Variants in EEA1 observed in about 807,000 individuals in gnomAD.
EEA1 encodes the protein early endosome antigen 1, 162kD.
In EEA1, 111 loss-of-function variants were observed where a neutral mutation model predicts 209.2. The ratio of observed to expected loss-of-function variants is 0.53; its 90% CI spans 0.45 to 0.62. The LOEUF (loss-of-function observed/expected upper bound fraction) is 0.62, where lower values mean the gene tolerates loss of function less well. Among genes scored for constraint, EEA1 ranks in the 20% least tolerant of loss-of-function variants. The pLI is 0.00. For synonymous variants in EEA1, 536 were observed against 540.6 expected (o/e 0.99, Z 0.12); for missense variants, 1,343 against 1,530.8 (o/e 0.88, Z 2.05).
chr12:92,847,410 T>A (rs1877431400), intron 9 of EEA1, among the ~76,000 whole-genome samples: 1 of 152,132 alleles, frequency 6.6e-6, no homozygotes, highest in African/African-American at 2.4e-5. Flanking sequence ...TAACTAGAAT[T>A]GAATTTTAAT....
intron 26 of EEA1, 125 bp downstream of exon 26, chr12:92,777,816 A>T (rs978755776): frequency 1.6e-6 from 2 of 1,228,292 alleles, no homozygotes; most frequent in African/African-American, 3.1e-5. Flanking sequence ...TTAAATGGCT[A>T]CTTAAATACC....
At chr12:92,928,910 G>A (rs1231520818) in intron 1 of EEA1, 133 bp downstream of exon 1, 1 of 884,326 alleles carries the variant, frequency 1.1e-6, no homozygotes, top group African/African-American at 1.8e-5. Flanking sequence ...GGGCGACCGA[G>A]GCCTAAGCGC....
At chr12:92,860,447 ATAC>A (rs1402811038) in intron 3 of EEA1, among the ~76,000 whole-genome samples, 1 of 152,192 alleles carries the variant, frequency 6.6e-6, no homozygotes, top group African/African-American at 2.4e-5. Context: ...AAATCCCTTC[ATAC>A]TTGAACATTT....
chr12:92,897,548 T>C (rs1394549441), intron 1 of EEA1, among the ~76,000 whole-genome samples: 1 of 152,198 alleles, frequency 6.6e-6, no homozygotes, highest in Non-Finnish European at 1.5e-5. Context: ...TCAGGCCCAC[T>C]CCCACACTGT....
At chr12:92,800,589 A>C (rs1250872868) in intron 20 of EEA1, among the ~76,000 whole-genome samples, 1 of 152,242 alleles carries the variant, frequency 6.6e-6, no homozygotes, top group Non-Finnish European at 1.5e-5. Context: ...GTATGACAAT[A>C]AGGATGATAT....
intron 21 of EEA1, among the ~76,000 whole-genome samples, chr12:92,797,825 T>C (rs1238674109): frequency 2.6e-5 from 4 of 152,196 alleles, no homozygotes; most frequent in Non-Finnish European, 5.9e-5. Flanking sequence ...TAAAGCAGCA[T>C]AATAATAGCT....
rs149606781 is a variant in EEA1, at chr12:92,866,577, C to T, written c.118-1590G>A. Among the ~76,000 whole-genome samples, 965 of 152,110 alleles carry T rather than the reference C, an allele frequency of 6.3e-3. 14 individuals carry two copies. The highest frequency in any genetic ancestry group is 0.021 in the African/African-American group (885 of 41,504). On this transcript the variant is annotated intron_variant, in intron 2 of 28. Transcript: ENST00000322349. ...CAATTCCCTTTAAAGATCACTGTTCCCCAGGGCTCTCTCATTGACCTCCTC... is the reference window on the plus strand; with the variant it reads ...CAATTCCCTTTAAAGATCACTGTTCTCCAGGGCTCTCTCATTGACCTCCTC...
intron 1 of EEA1, among the ~76,000 whole-genome samples, chr12:92,894,842 C>A (rs1385949192): frequency 2.0e-5 from 3 of 152,122 alleles, no homozygotes; most frequent in Non-Finnish European, 4.4e-5. Context: ...AACAGATTTT[C>A]AATTCAGAAA....
chr12:92,869,395 T>G (rs1878532095), intron 2 of EEA1, among the ~76,000 whole-genome samples: 3 of 152,052 alleles, frequency 2.0e-5, no homozygotes, highest in Admixed American at 2.0e-4. Context: ...ACTAAGAACT[T>G]ACCTTAACTG....
chr12:92,786,452 CAGATAGATACAT>C (rs754504316), intron 22 of EEA1, among the ~76,000 whole-genome samples: 18 of 152,250 alleles, frequency 1.2e-4, no homozygotes, highest in East Asian at 5.8e-4. Flanking sequence ...TCCAGATAAA[CAGATAGATACAT>C]AGATAGATAC....
chr12:92,888,750 A>C (rs2321515), intron 2 of EEA1, among the ~76,000 whole-genome samples: 145,178 of 152,258 alleles, frequency 0.95, 69,245 homozygotes, highest in East Asian at 1. Context: ...ATCTAAACTA[A>C]TGAACCACAA....
rs1877924718 is a variant in EEA1 at position 92,857,324 on chromosome 12, G to A, written c.317C>T (p.Ser106Leu). Residue 106 changes from serine to leucine, a missense_variant, in exon 5 of 29, where the codon TCG becomes TTG. Physicochemically the swap from Ser to Leu is moderately radical, Grantham distance 145. Coordinates refer to ENST00000322349, the MANE Select transcript of EEA1 (RefSeq NM_003566.4). The stretch of plus-strand genomic sequence containing the variant: ...TTCTAATTCCTTCTTTAATTCTTCC[G>A]AGTACCATTTTTCTTCCTAATAAAA... The part of the protein sequence containing the change: ...QASLKEEKWY[S>L]EELKKELEKY... 2.5e-6 allele frequency: 4 copies of A among 1,591,328 alleles called. No homozygotes were observed. Among genetic ancestry groups the A allele is most frequent in the South Asian group, 1.2e-5 (1 of 85,684 alleles).
At chr12:92,825,622 T>C (rs1876260813) in intron 13 of EEA1, among the ~76,000 whole-genome samples, 1 of 152,012 alleles carries the variant, frequency 6.6e-6, no homozygotes, top group Non-Finnish European at 1.5e-5. Context: ...TTTCTACACC[T>C]ACAATTCCAG....
Position 92,776,895 on chromosome 12 carries a change from T to A in EEA1, c.4062A>T (p.Glu1354Asp), listed in dbSNP as rs1158421412. 1 of 1,611,988 alleles carries A rather than the reference T, an allele frequency of 6.2e-7. No homozygotes were observed. The highest frequency in any genetic ancestry group is 1.3e-5 in the African/African-American group (1 of 74,836). Reference sequence around the variant, plus strand: ...TCCCACAGGCCATACAGTTTTGTACTTCATTGTCTTCGGCCCACTTTCTAT... The same window carrying A: ...TCCCACAGGCCATACAGTTTTGTACATCATTGTCTTCGGCCCACTTTCTAT... Reference protein sequence around the residue: ...ALNRKWAEDNEVQNCMACGKG... With the variant: ...ALNRKWAEDNDVQNCMACGKG... The change falls in exon 28 of 29, where the codon GAA becomes GAT. Residue 1354 changes from glutamate to aspartate, a missense_variant. Physicochemically the swap from Glu to Asp is conservative, Grantham distance 45. Transcript: ENST00000322349.
chr12:92,921,845 C>T (rs61935351), intron 1 of EEA1, among the ~76,000 whole-genome samples: 60 of 118,330 alleles, frequency 5.1e-4, no homozygotes, highest in African/African-American at 1.9e-3. Context: ...TCCAGCCTGG[C>T]GACAGAGCAA....
intron 21 of EEA1, among the ~76,000 whole-genome samples, chr12:92,794,700 G>A (rs1159770336): frequency 6.7e-6 from 1 of 149,090 alleles, no homozygotes; most frequent in African/African-American, 2.5e-5. Context: ...TTGGACACAG[G>A]GCAGAGAACA....
chr12:92,920,942 A>G (rs1160803220), intron 1 of EEA1, among the ~76,000 whole-genome samples: 1 of 151,812 alleles, frequency 6.6e-6, no homozygotes, highest in Non-Finnish European at 1.5e-5. Flanking sequence ...GGCGAAGGAC[A>G]TGAACAAACA....
chr12:92,879,825 C>G (rs755157855), intron 2 of EEA1, among the ~76,000 whole-genome samples: 1 of 152,216 alleles, frequency 6.6e-6, no homozygotes, highest in Non-Finnish European at 1.5e-5. Flanking sequence ...CCTCCCCATT[C>G]TCCTCCCACA....
chr12:92,879,015 T>C (rs1330111779), intron 2 of EEA1, among the ~76,000 whole-genome samples: 1 of 152,128 alleles, frequency 6.6e-6, no homozygotes, highest in East Asian at 1.9e-4. Context: ...ACCTCCCTAA[T>C]TTATGAGGCC....
Sources: gnomAD v4.1 joint callset for allele counts (sites outside exome capture counted in the v4.1 genomes callset) on GRCh38, gnomAD v4.1.1 for gene constraint, MANE v1.5 for transcripts, NCBI Gene and HGNC (gene_info 2026-07-23, HGNC 2026-07-21) for gene names.